Variants in HGSNAT observed in about 807,000 individuals in gnomAD.
HGSNAT encodes the protein heparan-alpha-glucosaminide N-acetyltransferase, also known as transmembrane protein 76.
HGSNAT carries 59 observed loss-of-function variants against 85.2 expected under a neutral mutation model. The observed-to-expected ratio is 0.69, with a 90% confidence interval of 0.56 to 0.86. HGSNAT has a LOEUF of 0.86. Among genes scored for constraint, HGSNAT ranks in the 40% least tolerant of loss-of-function variants. The pLI is 0.00. For synonymous variants in HGSNAT, 321 were observed against 304.5 expected (o/e 1.05, Z -0.56); for missense variants, 756 against 777.1 (o/e 0.97, Z 0.32).
chr8:43,182,290 C>T (rs967002768), intron 11 of HGSNAT, 30 bp downstream of exon 11: 1 of 1,539,154 alleles, frequency 6.5e-7, no homozygotes, highest in African/African-American at 1.4e-5. Context: ...TTAAGAAAAA[C>T]TTTTTTTAAA....
At chr8:43,186,476 G>A (rs566488350) in intron 11 of HGSNAT, among the ~76,000 whole-genome samples, 25 of 151,998 alleles carry the variant, frequency 1.6e-4, no homozygotes, top group Admixed American at 4.6e-4. Flanking sequence ...CTGTGGAATC[G>A]GTGGTGATAT....
intron 9 of HGSNAT, 92 bp from the exon 10 acceptor site, chr8:43,177,982 T>A (rs1464575072): frequency 6.8e-6 from 7 of 1,025,328 alleles, no homozygotes; most frequent in Non-Finnish European, 1.1e-5. Flanking sequence ...AAATTATGGT[T>A]GCTTCTCTTT....
intron 16 of HGSNAT, 26 bp downstream of exon 16, chr8:43,197,768 A>G (rs781381701): frequency 4.4e-6 from 7 of 1,602,126 alleles, no homozygotes; most frequent in Non-Finnish European, 6.0e-6. Flanking sequence ...GCATGATTTT[A>G]TGGATGACTG....
At chr8:43,148,730 T>C (rs1244410108) in intron 2 of HGSNAT, among the ~76,000 whole-genome samples, 1 of 141,934 alleles carries the variant, frequency 7.0e-6, no homozygotes, top group African/African-American at 2.6e-5. Flanking sequence ...GAGGCGGAGG[T>C]TGCAGTGAGC....
rs773926658 is a variant in HGSNAT at position 43,182,359 on chromosome 8, C to T, written c.1128+99C>T. The T allele has an allele frequency of 2.2e-5, 22 of 984,822 alleles. No homozygotes were observed. In the South Asian group the frequency reaches 2.5e-4, roughly 11 times the overall value. The allele number at this position is 984,822 out of a possible 1,614,324, so 61.0% of individuals were successfully genotyped here. On this transcript the variant is annotated intron_variant, in intron 11 of 17. Transcript: ENST00000379644. ...CACTATGTTGTCCAGACTGGTCCCT[C>T]ACTCCTGGCTTCAAGTGATCCTCCT...
chr8:43,146,066 T>C (rs2130673511), intron 1 of HGSNAT, among the ~76,000 whole-genome samples: 1 of 152,312 alleles, frequency 6.6e-6, no homozygotes, highest in African/African-American at 2.4e-5. Context: ...CACGTGATTT[T>C]AGAATGTGCG....
intron 6 of HGSNAT, among the ~76,000 whole-genome samples, chr8:43,169,976 C>T (rs1286730608): frequency 6.6e-6 from 1 of 151,878 alleles, no homozygotes; most frequent in Non-Finnish European, 1.5e-5. Flanking sequence ...GTGTGCCACT[C>T]CACCTGGCTA....
intron 2 of HGSNAT, among the ~76,000 whole-genome samples, chr8:43,154,426 T>G (rs546815818): frequency 6.7e-6 from 1 of 149,962 alleles, no homozygotes; most frequent in Admixed American, 6.7e-5. Flanking sequence ...TTCCCACATA[T>G]GAGTGAGAGC....
intron 2 of HGSNAT, among the ~76,000 whole-genome samples, chr8:43,156,641 T>A (rs752775129): frequency 6.6e-6 from 1 of 152,240 alleles, no homozygotes; most frequent in Non-Finnish European, 1.5e-5. Context: ...TGTTTAGACT[T>A]GTTTGCTCCC....
At chr8:43,190,986 G>A (rs532339781) in intron 11 of HGSNAT, among the ~76,000 whole-genome samples, 14 of 152,146 alleles carry the variant, frequency 9.2e-5, no homozygotes, top group African/African-American at 1.4e-4. Flanking sequence ...TAGACAGTCC[G>A]TATACATGAA....
At chr8:43,153,495 T>A (rs117994320) in intron 2 of HGSNAT, among the ~76,000 whole-genome samples, 1 of 152,144 alleles carries the variant, frequency 6.6e-6, no homozygotes, top group African/African-American at 2.4e-5. Flanking sequence ...GCCCAGCCAA[T>A]GTACACGTTG....
At chr8:43,161,803 C>T (rs117562469) in intron 5 of HGSNAT, among the ~76,000 whole-genome samples, 2,995 of 152,334 alleles carry the variant, frequency 0.02, 62 homozygotes, top group Non-Finnish European at 0.023. Flanking sequence ...GACTTTTTAA[C>T]GAGCAGAAGT....
chr8:43,145,566 TGTG>T (rs1802685805), intron 1 of HGSNAT, among the ~76,000 whole-genome samples: 1 of 152,124 alleles, frequency 6.6e-6, no homozygotes, highest in Admixed American at 6.5e-5. Flanking sequence ...TCCTGGCCAA[TGTG>T]GTGAAACCCC....
At chr8:43,172,413 G>C in intron 8 of HGSNAT, 27 bp downstream of exon 8, 1 of 1,447,730 alleles carries the variant, frequency 6.9e-7, no homozygotes, top group Admixed American at 1.7e-5. Context: ...AAGTAATGTT[G>C]CTTATATACG....
In HGSNAT at chr8:43,200,504, C is replaced by G. The variant is rs1238703023; in HGVS notation, c.*935C>G. On this transcript the variant is annotated 3_prime_UTR_variant, in exon 18 of 18. Coordinates refer to ENST00000379644, the MANE Select transcript of HGSNAT (RefSeq NM_152419.3). ...TCTGAAATCTTCAGAAGAAATAGTT[C>G]CATTACAGAAAACTCTTCAAAATAA... 6.6e-6 allele frequency: 1 copy of G among 152,234 alleles called. No individual in the cohort carries two copies. The highest frequency in any genetic ancestry group is 1.5e-5 in the Non-Finnish European group (1 of 68,032). 9.4% of individuals were successfully genotyped at this position (152,234 alleles called of 1,614,324 possible). A position where few individuals can be genotyped will look rare whatever the true frequency, so the allele number is the denominator to read the frequency against.
Position 43,199,536 on chromosome 8 carries a change from C to G in HGSNAT, c.1875C>G (p.Ile625Met). Residue 625 changes from isoleucine to methionine, a missense_variant, in exon 18 of 18, where the codon ATC (isoleucine) becomes ATG (methionine). By Grantham distance (10) the Ile-to-Met change is conservative. Coordinates refer to ENST00000379644, the MANE Select transcript of HGSNAT (RefSeq NM_152419.3). Reference sequence around the variant, plus strand: ...CCCTCTGGGTGCTCATTGCCTACATCCTCTATAGAAAGAAGATTTTTTGGA... The same window carrying G: ...CCCTCTGGGTGCTCATTGCCTACATGCTCTATAGAAAGAAGATTTTTTGGA... Reference protein sequence around the residue: ...ATALWVLIAYILYRKKIFWKI With the variant: ...ATALWVLIAYMLYRKKIFWKI 6.3e-7 allele frequency: 1 copy of G among 1,580,124 alleles called. No homozygotes were observed. The highest frequency in any genetic ancestry group is 8.6e-7 in the Non-Finnish European group (1 of 1,162,544).
At position 43,170,761 on chromosome 8, in the gene HGSNAT, A is replaced by G. The variant is rs547129885; in HGVS notation, c.743+67A>G. 1.8e-4 allele frequency: 177 copies of G among 964,640 alleles called. 1 individual carries two copies. In the African/African-American group the frequency reaches 2.8e-3, roughly 15 times the overall value. 59.8% of individuals were successfully genotyped at this position (964,640 alleles called of 1,614,324 possible). A position where few individuals can be genotyped will look rare whatever the true frequency, so the allele number is the denominator to read the frequency against. On this transcript the variant is annotated intron_variant, in intron 7 of 17. Coordinates refer to ENST00000379644, the MANE Select transcript of HGSNAT (RefSeq NM_152419.3). ...CAGGACTACATAATTGTACATACAC[A>G]CACTTTTAGCTTTTAAGGACTTTTA...
intron 1 of HGSNAT, among the ~76,000 whole-genome samples, chr8:43,143,242 C>T (rs545298322): frequency 5.3e-5 from 8 of 152,278 alleles, no homozygotes; most frequent in South Asian, 4.1e-4. Flanking sequence ...TGATGGTAAA[C>T]ATTTGGAAAA....
chr8:43,186,620 T>A (rs1586744963), intron 11 of HGSNAT, among the ~76,000 whole-genome samples: 4 of 152,140 alleles, frequency 2.6e-5, no homozygotes. Context: ...TTTTGAAGGG[T>A]TTTTTGTGTT....
Sources: gnomAD v4.1 joint callset for allele counts (sites outside exome capture counted in the v4.1 genomes callset) on GRCh38, gnomAD v4.1.1 for gene constraint, MANE v1.5 for transcripts, NCBI Gene and HGNC (gene_info 2026-07-23, HGNC 2026-07-21) for gene names.